The following NMUR2 variants were observed in gnomAD, a reference collection of about 807,000 sequenced individuals.
NMUR2 encodes the protein neuromedin-U receptor 2.
In NMUR2, 24 loss-of-function variants were observed where a neutral mutation model predicts 25.1. The observed-to-expected ratio is 0.96, with a 90% confidence interval of 0.69 to 1.34. The LOEUF (loss-of-function observed/expected upper bound fraction) is 1.34, where lower values mean the gene tolerates loss of function less well. Ranked by LOEUF, NMUR2 falls within the 40% of genes most tolerant of loss-of-function variation. The pLI, the probability that NMUR2 is intolerant of heterozygous loss-of-function variation, is 0.00. For missense variants in NMUR2, 533 were observed against 512.8 expected, an observed-to-expected ratio of 1.04 and a Z score of -0.38; for synonymous variants, 218 against 208.1, an observed-to-expected ratio of 1.05 and a Z score of -0.41.
chr5:152,395,655 A>T, intron 2 of NMUR2, 71 bp from the exon 3 acceptor site: 1 of 1,536,904 alleles, frequency 6.5e-7, no homozygotes. Flanking sequence ...GCTCACTCTG[A>T]GTCAATCATT....
chr5:152,397,932 A>G lies in NMUR2; in HGVS notation c.811+128T>C, dbSNP rs1753187099. The G allele has an allele frequency of 3.2e-5, 20 of 629,258 alleles. No homozygotes were observed. In the South Asian group the frequency reaches 3.9e-4, roughly 12 times the overall value. 39.0% of individuals were successfully genotyped at this position (629,258 alleles called of 1,614,324 possible). ...CTCTCCCCTTTGCTCCTTGATCTTA[A>G]TCTACTCTCATAAATACTCTGTTTC... On this transcript the variant is annotated intron_variant, in intron 2 of 3. Coordinates refer to ENST00000255262, the MANE Select transcript of NMUR2 (RefSeq NM_020167.5).
Position 152,397,960 on chromosome 5 carries a change from G to GT in NMUR2, c.811+99_811+100insA, listed in dbSNP as rs1753187335. The GT allele has an allele frequency of 2.1e-5, 16 of 767,258 alleles. No homozygotes were observed. In the Admixed American group the frequency reaches 3.6e-4, roughly 17 times the overall value. 47.5% of individuals were successfully genotyped at this position (767,258 alleles called of 1,614,324 possible). ...TACTCTCATAAATACTCTGTTTCAG[G>GT]ATAAATTGGAACCTACCCCAGCAGC... is the stretch of plus-strand genomic sequence containing the variant. On this transcript the variant is annotated intron_variant, in intron 2 of 3. Transcript: ENST00000255262.
chr5:152,400,245 A>C (rs4958304), intron 1 of NMUR2, among the ~76,000 whole-genome samples: 22,262 of 152,094 alleles, frequency 0.15, 2,093 homozygotes, highest in Admixed American at 0.24. Context: ...TTCATAAAGT[A>C]AAGGATTAAA....
In NMUR2 at chr5:152,405,069, C is replaced by T; in HGVS notation, c.45G>A (p.Gln15=). ...EKLQNASWIY[Q]QKLEDPFQKH... ...TCTGGAATGGATCTTCTAGTTTCTG[C>T]TGGTAGATCCAGGAAGCATTCTGAA... Residue 15 remains glutamine (Q), a synonymous_variant, in exon 1 of 4, where the codon CAG becomes CAA. Coordinates refer to ENST00000255262, the MANE Select transcript of NMUR2 (RefSeq NM_020167.5). 1.2e-6 allele frequency: 2 copies of T among 1,613,198 alleles called. No individual in the cohort carries two copies. The highest frequency in any genetic ancestry group is 2.2e-5 in the South Asian group (2 of 91,034).
chr5:152,392,097 T>G lies in NMUR2; in HGVS notation c.*94A>C. The G allele has an allele frequency of 9.1e-7, 1 of 1,093,256 alleles. No homozygotes were observed. Among genetic ancestry groups the G allele is most frequent in the Non-Finnish European group, 1.3e-6 (1 of 749,928 alleles). The allele number at this position is 1,093,256 out of a possible 1,614,324, so 67.7% of individuals were successfully genotyped here. A position where few individuals can be genotyped will look rare whatever the true frequency, so the allele number is the denominator to read the frequency against. On this transcript the variant is annotated 3_prime_UTR_variant, in exon 4 of 4. Transcript: ENST00000255262. ...ATGGGTACATGAGTTGTAAGAGCCA[T>G]TCTACCTCTCTAATATCATATGAGA... is the stretch of plus-strand genomic sequence containing the variant.
At chr5:152,402,722 T>C (rs902944537) in intron 1 of NMUR2, among the ~76,000 whole-genome samples, 6 of 152,280 alleles carry the variant, frequency 3.9e-5, no homozygotes, top group Non-Finnish European at 8.8e-5. Context: ...TAAGACTTTC[T>C]TTGGAGTTGT....
intron 1 of NMUR2, among the ~76,000 whole-genome samples, chr5:152,403,263 C>T (rs948529781): frequency 2.6e-5 from 4 of 152,090 alleles, no homozygotes; most frequent in African/African-American, 9.6e-5. Context: ...ATGTGGCTTG[C>T]CTAAAGGCAT....
intron 1 of NMUR2, among the ~76,000 whole-genome samples, chr5:152,402,820 A>T (rs1171741072): frequency 6.6e-6 from 1 of 152,188 alleles, no homozygotes; most frequent in East Asian, 1.9e-4. Flanking sequence ...GTCTCTGGGA[A>T]TACAGGTGCT....
At chr5:152,396,897 C>T (rs1753161860) in intron 2 of NMUR2, among the ~76,000 whole-genome samples, 1 of 151,824 alleles carries the variant, frequency 6.6e-6, no homozygotes, top group Non-Finnish European at 1.5e-5. Context: ...TCAAAAACAA[C>T]AACAACAACA....
chr5:152,398,062 A>G lies in NMUR2; in HGVS notation c.809T>C (p.Leu270Pro), dbSNP rs140674729. Reference sequence around the variant, plus strand: ...AAAAAACAAAATGGGGCACTTACACAGCATCTTGTTGACTGATTTTCTGCA... The same window carrying G: ...AAAAAACAAAATGGGGCACTTACACGGCATCTTGTTGACTGATTTTCTGCA... ...RPCRKSVNKMLFVLVLVFAIC... is the reference protein window; with the variant it reads ...RPCRKSVNKMPFVLVLVFAIC... The change falls in exon 2 of 4, where the codon CTG (leucine) becomes CCG (proline). Residue 270 changes from leucine to proline, a missense_variant and splice_region_variant. By Grantham distance (98) the Leu-to-Pro change is moderately conservative. Transcript: ENST00000255262. 3.4e-4 allele frequency: 541 copies of G among 1,610,978 alleles called. No homozygotes were observed. Among genetic ancestry groups the G allele is most frequent in the Non-Finnish European group, 3.9e-4 (463 of 1,177,648 alleles).
chr5:152,398,906 GAC>G (rs1753209620), intron 1 of NMUR2, among the ~76,000 whole-genome samples: 1 of 152,096 alleles, frequency 6.6e-6, no homozygotes. Flanking sequence ...ATCCTTGTTG[GAC>G]GATATGGAGA....
rs1257379110 is a variant in NMUR2 at position 152,405,259 on chromosome 5, G to A, written c.-146C>T. ...TTCGTAAGGAAGGCTGGGAGAGAGT[G>A]AGTGTTTCACCCTCCAGGTTAGGCT... On this transcript the variant is annotated 5_prime_UTR_variant, in exon 1 of 4. Coordinates refer to ENST00000255262, the MANE Select transcript of NMUR2 (RefSeq NM_020167.5). 6 of 961,418 alleles carry A rather than the reference G, an allele frequency of 6.2e-6. No individual in the cohort carries two copies. The highest frequency in any genetic ancestry group is 9.0e-6 in the Non-Finnish European group (6 of 665,376). 59.6% of individuals were successfully genotyped at this position (961,418 alleles called of 1,614,324 possible).
chr5:152,404,619 C>T lies in NMUR2; in HGVS notation c.495G>A (p.Arg165=), dbSNP rs891893148. The T allele has an allele frequency of 7.4e-6, 12 of 1,614,116 alleles. No individual in the cohort carries two copies. Among genetic ancestry groups the T allele is most frequent in the Non-Finnish European group, 1.0e-5 (12 of 1,180,022 alleles). Residue 165 remains arginine, a synonymous_variant, in exon 1 of 4, where the codon AGG becomes AGA. Coordinates refer to ENST00000255262, the MANE Select transcript of NMUR2 (RefSeq NM_020167.5). ...KLQSTRRRAL[R]ILGIVWGFSV... is the part of the protein sequence containing the mutation. The stretch of plus-strand genomic sequence containing the variant: ...AGAAGCCCCAGACGATGCCGAGGAT[C>T]CTGAGGGCCCGGCGCCGGGTGCTCT...
chr5:152,400,484 T>C (rs1036883008), intron 1 of NMUR2, among the ~76,000 whole-genome samples: 5 of 152,314 alleles, frequency 3.3e-5, no homozygotes, highest in African/African-American at 1.2e-4. Flanking sequence ...TGTTTATATA[T>C]GTGAGGTTAC....
At chr5:152,395,376 G>A (rs1313258216) in intron 3 of NMUR2, 83 bp downstream of exon 3, 2 of 1,472,642 alleles carry the variant, frequency 1.4e-6, no homozygotes, top group Non-Finnish European at 1.9e-6. Context: ...ATAAATTGGA[G>A]TACTTAGGCA....
intron 1 of NMUR2, among the ~76,000 whole-genome samples, chr5:152,401,491 T>G (rs533301334): frequency 6.6e-6 from 1 of 152,350 alleles, no homozygotes; most frequent in South Asian, 2.1e-4. Context: ...TACCAGATTA[T>G]AATATAGGTT....
In NMUR2 at chr5:152,397,012, G is replaced by GTTTTTTTTTTTTTTTTTTTTTTT. The variant is rs769998163; in HGVS notation, c.811+1047_811+1048insAAAAAAAAAAAAAAAAAAAAAAA. Among the ~76,000 whole-genome samples, 8 of 105,730 alleles carry GTTTTTTTTTTTTTTTTTTTTTTT rather than the reference G, an allele frequency of 7.6e-5. 1 individual carries two copies. Among genetic ancestry groups the GTTTTTTTTTTTTTTTTTTTTTTT allele is most frequent in the Non-Finnish European group, 1.4e-4 (7 of 48,802 alleles). 69.4% of individuals were successfully genotyped at this position (105,730 alleles called of 152,430 possible). On this transcript the variant is annotated intron_variant, in intron 2 of 3. Transcript: ENST00000255262. ...TGACTTTAATATGAGTGAGCTTCAT[G>GTTTTTTTTTTTTTTTTTTTTTTT]TTTTTTTTTTTTTTTTTTTGTGAGA... is the stretch of plus-strand genomic sequence containing the variant.
intron 3 of NMUR2, among the ~76,000 whole-genome samples, chr5:152,394,826 T>C (rs541862599): frequency 5.4e-5 from 8 of 149,020 alleles, no homozygotes; most frequent in African/African-American, 2.0e-4. Context: ...CATCAGTCCA[T>C]GGTTTGTGTA....
At chr5:152,397,968 G>T in intron 2 of NMUR2, 92 bp downstream of exon 2, 2 of 825,728 alleles carry the variant, frequency 2.4e-6, no homozygotes, top group East Asian at 2.5e-5. Context: ...AGGATAAATT[G>T]GAACCTACCC....
Sources: allele counts gnomAD v4.1 joint callset (sites outside exome capture counted in the v4.1 genomes callset), GRCh38; gene constraint gnomAD v4.1.1; transcripts MANE v1.5; gene names NCBI Gene and HGNC (gene_info 2026-07-23, HGNC 2026-07-21).